DIAPH2: variants seen among roughly 807,000 people sequenced by gnomAD.
DIAPH2 encodes the protein protein diaphanous homolog 2.
A neutral mutation model predicts 92.7 loss-of-function variants in DIAPH2; 35 were observed. The observed-to-expected ratio is 0.38, with a 90% CI of 0.29 to 0.50. The LOEUF (loss-of-function observed/expected upper bound fraction) is 0.50, where lower values mean the gene tolerates loss of function less well. Ranked by LOEUF, DIAPH2 falls within the 20% of genes least tolerant of loss-of-function variation. The probability of loss-of-function intolerance (pLI) is 0.94; values close to 1 mark genes in which losing one functional copy is unlikely to be tolerated. For synonymous variants in DIAPH2, 301 were observed against 280.4 expected (o/e 1.07, Z -0.73); for missense variants, 701 against 819.5 (o/e 0.86, Z 1.77).
intron 4 of DIAPH2, among the ~76,000 whole-genome samples, chrX:96,814,394 T>G (rs769092373): frequency 8.9e-6 from 1 of 112,001 alleles, no homozygotes; most frequent in African/African-American, 3.2e-5. Flanking sequence ...TAAGGTCTTC[T>G]CTACACTGTT....
At chrX:96,707,163 TTGAC>T (rs1011501589) in intron 1 of DIAPH2, among the ~76,000 whole-genome samples, 3 of 108,767 alleles carry the variant, frequency 2.8e-5, no homozygotes, top group African/African-American at 1.0e-4. Context: ...GATGGATTGA[TTGAC>T]TGATGGATTG....
intron 26 of DIAPH2, among the ~76,000 whole-genome samples, chrX:97,593,034 T>A (rs2071527712): frequency 8.9e-6 from 1 of 112,071 alleles, no homozygotes; most frequent in Non-Finnish European, 1.9e-5. Context: ...AATTGCTAAG[T>A]GGAGGTAATC....
At chrX:97,489,437 T>G (rs932997458) in intron 26 of DIAPH2, among the ~76,000 whole-genome samples, 2 of 111,454 alleles carry the variant, frequency 1.8e-5, no homozygotes, top group African/African-American at 6.5e-5. Flanking sequence ...TTTTTCTTTT[T>G]CTTGTCTAGT....
chrX:97,002,136 C>T (rs1400646920), intron 17 of DIAPH2, among the ~76,000 whole-genome samples: 1 of 110,397 alleles, frequency 9.1e-6, no homozygotes, highest in Non-Finnish European at 1.9e-5. Flanking sequence ...AAATCTAATC[C>T]GTGTATCTAT....
At chrX:97,337,316 C>G (rs1015801735) in intron 23 of DIAPH2, among the ~76,000 whole-genome samples, 1 of 110,409 alleles carries the variant, frequency 9.1e-6, no homozygotes, top group Non-Finnish European at 1.9e-5. Context: ...TGTCTGTGTC[C>G]CCACCCAAAT....
At chrX:97,396,199 C>G (rs1264378951) in intron 25 of DIAPH2, among the ~76,000 whole-genome samples, 1 of 112,029 alleles carries the variant, frequency 8.9e-6, no homozygotes, top group Non-Finnish European at 1.9e-5. Context: ...ATTAATTTTG[C>G]TCTGTTCTCA....
At chrX:97,398,590 CTCTTTTTT>C (rs1006233586) in intron 25 of DIAPH2, among the ~76,000 whole-genome samples, 6 of 110,800 alleles carry the variant, frequency 5.4e-5, no homozygotes, top group African/African-American at 2.0e-4. Context: ...CTCATCCTCT[CTCTTTTTT>C]TAAGACCCTA....
At chrX:97,562,365 G>A (rs936265961) in intron 26 of DIAPH2, among the ~76,000 whole-genome samples, 4 of 109,651 alleles carry the variant, frequency 3.6e-5, no homozygotes, top group Non-Finnish European at 7.6e-5. Flanking sequence ...AATTAGCTGG[G>A]CATGGTGGCG....
At chrX:97,094,761 G>A (rs2066852980) in intron 19 of DIAPH2, among the ~76,000 whole-genome samples, 1 of 112,062 alleles carries the variant, frequency 8.9e-6, no homozygotes, top group Non-Finnish European at 1.9e-5. Context: ...AGCCCTTTTG[G>A]CCCTGTCATC....
At chrX:97,167,163 G>A (rs746464823) in intron 22 of DIAPH2, among the ~76,000 whole-genome samples, 1 of 111,313 alleles carries the variant, frequency 9.0e-6, no homozygotes, top group Non-Finnish European at 1.9e-5. Flanking sequence ...CAAAGCTGAC[G>A]AGAACAATGT....
intron 26 of DIAPH2, among the ~76,000 whole-genome samples, chrX:97,445,671 C>T (rs1469747927): frequency 9.3e-6 from 1 of 107,076 alleles, no homozygotes; most frequent in African/African-American, 3.4e-5. Context: ...TAGTTTCAAA[C>T]TCCTGACCTC....
chrX:97,343,721 T>A (rs189415862), intron 23 of DIAPH2, among the ~76,000 whole-genome samples: 22 of 107,447 alleles, frequency 2.0e-4, no homozygotes, highest in African/African-American at 7.2e-4. Flanking sequence ...AAGAAAGAAA[T>A]TATTACCAGA....
chrX:97,151,173 T>A (rs1237502592), intron 22 of DIAPH2, among the ~76,000 whole-genome samples: 1 of 111,803 alleles, frequency 8.9e-6, no homozygotes, highest in African/African-American at 3.2e-5. Flanking sequence ...TTCTGTTTCT[T>A]AATCTTGATG....
At chrX:97,125,397 G>A (rs1188652074) in intron 21 of DIAPH2, among the ~76,000 whole-genome samples, 2 of 102,444 alleles carry the variant, frequency 2.0e-5, no homozygotes, top group African/African-American at 3.6e-5. Flanking sequence ...GCTTGAACCC[G>A]GGAGGCAGAG....
chrX:97,373,497 TACA>T (rs1285065416), intron 24 of DIAPH2, among the ~76,000 whole-genome samples: 1 of 108,479 alleles, frequency 9.2e-6, no homozygotes, highest in East Asian at 2.9e-4. Flanking sequence ...TTATGAAGAC[TACA>T]ACAAGGAAGA....
rs1332024432 is a variant in DIAPH2, at chrX:96,751,647, G to GTTTTTT, written c.343-6503_343-6502insTTTTTT. Reference sequence around the variant, plus strand: ...TATAAATGGTCAACTAGACTTCAGTGTTTTGTTTTTTTTTTTTTTTTTTTG... The same window carrying GTTTTTT: ...TATAAATGGTCAACTAGACTTCAGTGTTTTTTTTTTGTTTTTTTTTTTTTTTTTTTG... On this transcript the variant is annotated intron_variant, in intron 3 of 26. Transcript: ENST00000324765. Among the ~76,000 whole-genome samples the GTTTTTT allele has an allele frequency of 3.1e-4, 26 of 85,010 alleles. 3 individuals carry two copies. Among genetic ancestry groups the GTTTTTT allele is most frequent in the African/African-American group, 9.3e-4 (21 of 22,630 alleles). 73.8% of individuals were successfully genotyped at this position (85,010 alleles called of 115,157 possible).
At chrX:96,705,215 C>T (rs1223664715) in intron 1 of DIAPH2, among the ~76,000 whole-genome samples, 6 of 110,672 alleles carry the variant, frequency 5.4e-5, no homozygotes, top group African/African-American at 2.0e-4. Context: ...ATGATCCGCC[C>T]GCCTCGGCCT....
chrX:97,437,761 TACACACACACACACACAC>T (rs58161143), intron 26 of DIAPH2, among the ~76,000 whole-genome samples: 12 of 95,748 alleles, frequency 1.3e-4, no homozygotes, highest in Non-Finnish European at 1.7e-4. Context: ...TACATGATTT[TACACACACACACACACAC>T]ACACACACAC....
rs182700681 is a variant in DIAPH2 at position 97,497,011 on chromosome X, G to A, written c.3241+67266G>A. Among the ~76,000 whole-genome samples the A allele has an allele frequency of 5.4e-5, 6 of 110,832 alleles. No individual in the cohort carries two copies. In the East Asian group the frequency reaches 1.4e-3, roughly 26 times the overall value. ...TGGTCAATCTGATGAGCTTGGGCCC[G>A]TATAAGGTATGTTGGACAAGAAAAC... On this transcript the variant is annotated intron_variant, in intron 26 of 26. Transcript: ENST00000324765.
Sources: allele counts gnomAD v4.1 joint callset (sites outside exome capture counted in the v4.1 genomes callset), GRCh38; gene constraint gnomAD v4.1.1; transcripts MANE v1.5; gene names NCBI Gene and HGNC (gene_info 2026-07-23, HGNC 2026-07-21).